Variants in KIAA0930 observed in about 807,000 individuals in gnomAD.
KIAA0930 encodes the protein uncharacterized protein KIAA0930.
In KIAA0930, 24 loss-of-function variants were observed where a neutral mutation model predicts 43.9. That is an observed-to-expected ratio of 0.55 (90% CI 0.40 to 0.77). KIAA0930 has a LOEUF of 0.77. Ranked by LOEUF, KIAA0930 falls within the 30% of genes least tolerant of loss-of-function variation. The pLI is 0.00. For synonymous variants in KIAA0930, 259 were observed against 216.4 expected (o/e 1.20, Z -1.73); for missense variants, 461 against 574.2 (o/e 0.80, Z 2.02).
chr22:45,238,066 G>GC (rs2083897522), intron 1 of KIAA0930, among the ~76,000 whole-genome samples: 1 of 151,838 alleles, frequency 6.6e-6, no homozygotes, highest in African/African-American at 2.4e-5. Context: ...GACTATAGGC[G>GC]CCCGCCACCA....
Position 45,226,119 on chromosome 22 carries a change from G to A in KIAA0930, c.65-14012C>T, listed in dbSNP as rs934989665. 8 of 403,036 alleles carry A rather than the reference G, an allele frequency of 2.0e-5. No homozygotes were observed. The East Asian group carries it at 5.1e-4, about 26-fold the overall frequency. The allele number at this position is 403,036 out of a possible 1,614,324, so 25.0% of individuals were successfully genotyped here. A position where few individuals can be genotyped will look rare whatever the true frequency, so the allele number is the denominator to read the frequency against. Reference sequence around the variant, plus strand: ...ACGTGCCGAGCCCTGTCCTCGGTGCGTTCAGAGAGCACGCGGCAGCCTCTC... The same window carrying A: ...ACGTGCCGAGCCCTGTCCTCGGTGCATTCAGAGAGCACGCGGCAGCCTCTC... On this transcript the variant is annotated intron_variant, in intron 1 of 9. Transcript: ENST00000336156.
chr22:45,202,275 C>T (rs756309172), intron 7 of KIAA0930, among the ~76,000 whole-genome samples: 2 of 152,258 alleles, frequency 1.3e-5, no homozygotes, highest in Non-Finnish European at 2.9e-5. Context: ...GAGACCTTCT[C>T]CTGCCTGTGC....
intron 7 of KIAA0930, chr22:45,202,642 C>A: frequency 4.9e-6 from 1 of 204,926 alleles, no homozygotes; most frequent in Middle Eastern, 1.7e-3. Flanking sequence ...GGGTCCCCAG[C>A]CAGTCTCTTC....
Position 45,237,960 on chromosome 22 carries a change from G to A in KIAA0930, c.64+2680C>T, listed in dbSNP as rs1167427712. The stretch of plus-strand genomic sequence containing the variant: ...TTTTGAGACAGAGTCTCACTCTGTA[G>A]CCCAGGCTGGAGTGCAGTGGCGTGA... On this transcript the variant is annotated intron_variant, in intron 1 of 9. Coordinates refer to ENST00000336156, the MANE Select transcript of KIAA0930 (RefSeq NM_001009880.2). 2.0e-5 allele frequency among the ~76,000 whole-genome samples: 3 copies of A among 150,408 alleles called. No homozygotes were observed. The East Asian group carries it at 5.9e-4, about 29-fold the overall frequency.
chr22:45,200,212 A>C (rs1411114590), intron 7 of KIAA0930, 177 bp from the exon 8 acceptor site: 1 of 540,306 alleles, frequency 1.9e-6, no homozygotes, highest in East Asian at 3.4e-5. Context: ...AGACTGGAAG[A>C]TGCGTTCCAG....
At chr22:45,228,754 ACCCGAAAGATCCCTCCCCATC>A (rs1413260787) in intron 1 of KIAA0930, among the ~76,000 whole-genome samples, 1 of 23,904 alleles carries the variant, frequency 4.2e-5, no homozygotes, top group African/African-American at 3.2e-4. Flanking sequence ...ACCACCACTC[ACCCGAAAGATCCCTCCCCATC>A]CCCCCCAACC....
chr22:45,219,511 TTAAA>T lies in KIAA0930; in HGVS notation c.65-7408_65-7405del, dbSNP rs536824714. On this transcript the variant is annotated intron_variant, in intron 1 of 9. Transcript: ENST00000336156. The stretch of plus-strand genomic sequence containing the variant: ...AGCCATTAAAAATGATGGTTCTGTA[TTAAA>T]TAAAGAAAAATGTCCAAGAACTATC... 5.5e-3 allele frequency among the ~76,000 whole-genome samples: 828 copies of T among 151,194 alleles called. 1 individual carries two copies. Among genetic ancestry groups the T allele is most frequent in the Non-Finnish European group, 9.6e-3 (654 of 67,928 alleles).
At position 45,234,354 on chromosome 22, in the gene KIAA0930, C is replaced by T. The variant is rs181105720; in HGVS notation, c.64+6286G>A. On this transcript the variant is annotated intron_variant, in intron 1 of 9. Transcript: ENST00000336156. ...AGCCTGAAACGCCAGGGGGAGAGCT[C>T]TCAGGTAAGAAGACAAGGTTGGAGG... is the stretch of plus-strand genomic sequence containing the variant. Among the ~76,000 whole-genome samples the T allele has an allele frequency of 6.0e-3, 921 of 152,252 alleles. 8 individuals carry two copies. Among genetic ancestry groups the T allele is most frequent in the Admixed American group, 0.013 (206 of 15,308 alleles).
At chr22:45,237,788 G>A (rs1174442643) in intron 1 of KIAA0930, among the ~76,000 whole-genome samples, 1 of 152,200 alleles carries the variant, frequency 6.6e-6, no homozygotes, top group East Asian at 1.9e-4. Flanking sequence ...GGACGCAGAA[G>A]TGCTCCGGGG....
intron 2 of KIAA0930, among the ~76,000 whole-genome samples, chr22:45,207,163 C>A (rs1488769326): frequency 6.7e-6 from 1 of 148,352 alleles, no homozygotes; most frequent in East Asian, 2.0e-4. Flanking sequence ...TCTGCCACCA[C>A]ACCTGGCTAA....
intron 1 of KIAA0930, 52 bp from the exon 2 acceptor site, chr22:45,212,159 G>A: frequency 6.2e-7 from 1 of 1,613,570 alleles, no homozygotes; most frequent in Non-Finnish European, 8.5e-7. Context: ...CCTGGCCCTT[G>A]CAGCATGGCC....
chr22:45,216,548 A>C (rs1265931371), intron 1 of KIAA0930, among the ~76,000 whole-genome samples: 1 of 152,110 alleles, frequency 6.6e-6, no homozygotes, highest in African/African-American at 2.4e-5. Context: ...GCTGTGAATA[A>C]ACACACGAGG....
At chr22:45,205,729 C>CAT in intron 3 of KIAA0930, 22 bp from the exon 4 acceptor site, 1 of 1,613,980 alleles carries the variant, frequency 6.2e-7, no homozygotes, top group Non-Finnish European at 8.5e-7. Context: ...CACGGGTCAG[C>CAT]GTGCAGGGAG....
rs1171198207 is a variant in KIAA0930 at position 45,197,422 on chromosome 22, C to T, written c.1175-206G>A. 2.6e-5 allele frequency among the ~76,000 whole-genome samples: 4 copies of T among 152,208 alleles called. No homozygotes were observed. The East Asian group carries it at 5.8e-4, about 22-fold the overall frequency. On this transcript the variant is annotated intron_variant, in intron 9 of 9. Transcript: ENST00000336156. ...GGGCTCGCAGCAACGGCACACCCTG[C>T]AGGGCCTCAGGTGCAAGCTGGTGTG...
intron 1 of KIAA0930, among the ~76,000 whole-genome samples, chr22:45,225,225 G>A (rs961299910): frequency 2.6e-5 from 4 of 152,030 alleles, no homozygotes; most frequent in African/African-American, 9.7e-5. Flanking sequence ...GCCTCTCCCA[G>A]AGCCTCTCCA....
At chr22:45,203,210 A>C in intron 6 of KIAA0930, 26 bp from the exon 7 acceptor site, 1 of 1,564,856 alleles carries the variant, frequency 6.4e-7, no homozygotes, top group Non-Finnish European at 8.7e-7. Context: ...GGGCAGCCTG[A>C]GTCAGGGAGG....
intron 1 of KIAA0930, among the ~76,000 whole-genome samples, chr22:45,230,771 G>C (rs1034992829): frequency 6.6e-6 from 1 of 151,742 alleles, no homozygotes; most frequent in African/African-American, 2.4e-5. Flanking sequence ...TAGTAGAGAC[G>C]GGGTTTCACA....
chr22:45,203,218 A>G lies in KIAA0930; in HGVS notation c.658-34T>C, dbSNP rs2840210. On this transcript the variant is annotated intron_variant, in intron 6 of 9. Transcript: ENST00000336156. ...CGGCGCGGGGCAGCCTGAGTCAGGG[A>G]GGTGGCGATGGCTCCATGGGGCCCC... 11,121 of 1,554,942 alleles carry G rather than the reference A, an allele frequency of 7.2e-3. 612 individuals carry two copies. The African/African-American group carries it at 0.12, about 17-fold the overall frequency.
chr22:45,212,625 A>C, intron 1 of KIAA0930: 1 of 1,233,900 alleles, frequency 8.1e-7, no homozygotes, highest in Non-Finnish European at 1.1e-6. Context: ...AACCGCAGGG[A>C]GACAGCACCC....
Sources: gnomAD v4.1 joint callset for allele counts (sites outside exome capture counted in the v4.1 genomes callset) on GRCh38, gnomAD v4.1.1 for gene constraint, MANE v1.5 for transcripts, NCBI Gene and HGNC (gene_info 2026-07-23, HGNC 2026-07-21) for gene names.